The following MPPED2 variants were observed in gnomAD, a reference collection of about 807,000 sequenced individuals.
MPPED2 encodes metallophosphoesterase MPPED2.
In MPPED2, 5 loss-of-function variants were observed where a neutral mutation model predicts 33.0. The observed-to-expected ratio is 0.15, with a 90% CI of 0.08 to 0.32. The LOEUF is 0.32. MPPED2 is among the 10% of genes least tolerant of loss of function. The pLI, the probability that MPPED2 is intolerant of heterozygous loss-of-function variation, is 1.00. For missense variants in MPPED2, 275 were observed against 372.1 expected, an observed-to-expected ratio of 0.74 and a Z score of 2.15; for synonymous variants, 136 against 141.9, an observed-to-expected ratio of 0.96 and a Z score of 0.29.
intron 2 of MPPED2, among the ~76,000 whole-genome samples, chr11:30,552,667 C>G (rs1248317797): frequency 6.6e-6 from 1 of 152,110 alleles, no homozygotes; most frequent in Non-Finnish European, 1.5e-5. Flanking sequence ...CATGTTACTG[C>G]AGACTCTTTA....
At chr11:30,561,283 G>T in intron 2 of MPPED2, among the ~76,000 whole-genome samples, 1 of 152,042 alleles carries the variant, frequency 6.6e-6, no homozygotes, top group African/African-American at 2.4e-5. Flanking sequence ...ACTAAGTTGG[G>T]GTCTTGAGCA....
intron 2 of MPPED2, among the ~76,000 whole-genome samples, chr11:30,547,022 T>C (rs1167315892): frequency 2.6e-5 from 4 of 152,186 alleles, no homozygotes; most frequent in South Asian, 2.1e-4. Context: ...TGGAAATGCA[T>C]ACTTACTACC....
intron 4 of MPPED2, among the ~76,000 whole-genome samples, chr11:30,487,604 C>T (rs1342494769): frequency 6.6e-6 from 1 of 152,018 alleles, no homozygotes; most frequent in Non-Finnish European, 1.5e-5. Context: ...CCTCAACCTC[C>T]CAAGTAGCTG....
intron 4 of MPPED2, among the ~76,000 whole-genome samples, chr11:30,445,869 G>A (rs1949781335): frequency 6.6e-6 from 1 of 152,268 alleles, no homozygotes; most frequent in African/African-American, 2.4e-5. Context: ...GACACTTGAG[G>A]TGCTTCCACC....
chr11:30,393,081 A>C (rs1947799903), intron 6 of MPPED2, among the ~76,000 whole-genome samples: 1 of 152,056 alleles, frequency 6.6e-6, no homozygotes, highest in Non-Finnish European at 1.5e-5. Context: ...ATTTGTGCCC[A>C]ATCTGGAGAT....
intron 2 of MPPED2, among the ~76,000 whole-genome samples, chr11:30,570,043 A>G (rs951211269): frequency 6.6e-6 from 1 of 152,032 alleles, no homozygotes; most frequent in East Asian, 1.9e-4. Flanking sequence ...TGTTCCCTCT[A>G]TAAAATTCAT....
intron 4 of MPPED2, among the ~76,000 whole-genome samples, chr11:30,476,884 C>A (rs559615055): frequency 1.3e-5 from 2 of 151,880 alleles, no homozygotes; most frequent in Non-Finnish European, 2.9e-5. Context: ...TTGTTTAGGT[C>A]TTCTTTAATT....
chr11:30,560,165 TA>T (rs1169493337), intron 2 of MPPED2, among the ~76,000 whole-genome samples: 1 of 152,220 alleles, frequency 6.6e-6, no homozygotes, highest in Non-Finnish European at 1.5e-5. Flanking sequence ...TAATTATTTT[TA>T]TTGTGTTTAT....
chr11:30,544,882 C>T (rs1256724492), intron 2 of MPPED2, among the ~76,000 whole-genome samples: 6 of 152,122 alleles, frequency 3.9e-5, no homozygotes, highest in Admixed American at 3.9e-4. Flanking sequence ...AAAAAAGACG[C>T]ATGAGAGTGG....
At chr11:30,443,192 A>T (rs995312195) in intron 4 of MPPED2, among the ~76,000 whole-genome samples, 3 of 152,202 alleles carry the variant, frequency 2.0e-5, no homozygotes, top group Non-Finnish European at 4.4e-5. Context: ...AAAATAATAA[A>T]TAAATAAAGC....
At chr11:30,466,923 C>T (rs1950732647) in intron 4 of MPPED2, among the ~76,000 whole-genome samples, 1 of 152,106 alleles carries the variant, frequency 6.6e-6, no homozygotes, top group African/African-American at 2.4e-5. Context: ...ACTTCTGAGC[C>T]TCTGAATTGA....
rs151242629 is a variant in MPPED2 at position 30,577,730 on chromosome 11, A to C, written c.128+2516T>G. Among the ~76,000 whole-genome samples, 1,432 of 152,346 alleles carry C rather than the reference A, an allele frequency of 9.4e-3. 29 individuals are homozygous for C. The highest frequency in any genetic ancestry group is 0.052 in the Admixed American group (801 of 15,304). ...CCTACAAAACAATGGCATGTTCTCA[A>C]GCAAGAAAGAGTAAAGCCAGGGAAA... is the stretch of plus-strand genomic sequence containing the variant. On this transcript the variant is annotated intron_variant, in intron 2 of 6. Coordinates refer to ENST00000358117, the MANE Select transcript of MPPED2 (RefSeq NM_001584.3).
chr11:30,450,337 C>A (rs901088641), intron 4 of MPPED2, among the ~76,000 whole-genome samples: 17 of 152,180 alleles, frequency 1.1e-4, no homozygotes, highest in African/African-American at 3.9e-4. Context: ...AAGACAACAA[C>A]TAAAGCAAAA....
intron 2 of MPPED2, among the ~76,000 whole-genome samples, chr11:30,553,921 T>C (rs1259576179): frequency 6.6e-6 from 1 of 152,022 alleles, no homozygotes; most frequent in Non-Finnish European, 1.5e-5. Flanking sequence ...AATTTATGAG[T>C]GTAAATAATC....
intron 4 of MPPED2, among the ~76,000 whole-genome samples, chr11:30,433,887 G>C (rs1021152387): frequency 6.6e-6 from 1 of 152,148 alleles, no homozygotes; most frequent in Admixed American, 6.6e-5. Flanking sequence ...TAGTCTCACT[G>C]TACTAAAACC....
At chr11:30,405,232 A>G (rs867163565), downstream of MPPED2, among the ~76,000 whole-genome samples, 3 of 152,218 alleles carry the variant, frequency 2.0e-5, no homozygotes, top group Admixed American at 2.0e-4. Context: ...AGGATCTTCA[A>G]CTGAAAAGCT....
intron 2 of MPPED2, among the ~76,000 whole-genome samples, chr11:30,568,988 A>G (rs1397155246): frequency 6.6e-6 from 1 of 152,228 alleles, no homozygotes; most frequent in East Asian, 1.9e-4. Flanking sequence ...ATATTTCAAA[A>G]CATTCCCTTT....
At chr11:30,490,916 T>G (rs1199984304) in intron 4 of MPPED2, among the ~76,000 whole-genome samples, 2 of 152,218 alleles carry the variant, frequency 1.3e-5, no homozygotes, top group Non-Finnish European at 2.9e-5. Context: ...TGGCGATTAC[T>G]TTTGAGAAAC....
intron 2 of MPPED2, among the ~76,000 whole-genome samples, chr11:30,569,817 T>G (rs1458440981): frequency 6.6e-6 from 1 of 152,078 alleles, no homozygotes; most frequent in African/African-American, 2.4e-5. Context: ...GTATATTGAG[T>G]CGGCACGTGT....
Sources: gnomAD v4.1 joint callset for allele counts (sites outside exome capture counted in the v4.1 genomes callset) on GRCh38, gnomAD v4.1.1 for gene constraint, MANE v1.5 for transcripts, NCBI Gene and HGNC (gene_info 2026-07-23, HGNC 2026-07-21) for gene names.